Variants in CLCF1 observed in about 807,000 individuals in gnomAD.
CLCF1 encodes the protein cardiotrophin-like cytokine factor 1.
CLCF1 carries 10 observed loss-of-function variants against 21.2 expected under a neutral mutation model. The ratio of observed to expected loss-of-function variants is 0.47; its 90% CI spans 0.29 to 0.80. The LOEUF (loss-of-function observed/expected upper bound fraction) is 0.80. Among genes scored for constraint, CLCF1 ranks in the 30% least tolerant of loss-of-function variants. The pLI is 0.09. For synonymous variants in CLCF1, 115 were observed against 120.5 expected, an observed-to-expected ratio of 0.95 and a Z score of 0.30; for missense variants, 240 against 293.4, an observed-to-expected ratio of 0.82 and a Z score of 1.33.
intron 2 of CLCF1, among the ~76,000 whole-genome samples, chr11:67,366,254 G>A (rs1247961356): frequency 6.6e-6 from 1 of 152,118 alleles, no homozygotes; most frequent in South Asian, 2.1e-4. Flanking sequence ...AAATTTGGCA[G>A]GGAAAGCCAG....
rs1465770498 is a variant in CLCF1 at position 67,372,313 on chromosome 11, GGTCCTCTGGGATTGGGA to G, written c.16+1194_16+1210del. Among the ~76,000 whole-genome samples, 1 of 152,198 alleles carries G rather than the reference GGTCCTCTGGGATTGGGA, an allele frequency of 6.6e-6. No individual in the cohort carries two copies. The highest frequency in any genetic ancestry group is 1.9e-4 in the East Asian group (1 of 5,134). Reference sequence around the variant, plus strand: ...CCAGGCTGGGAGCTGGGGGAACAGGGGTCCTCTGGGATTGGGAGGGTCTGTGGGGAGGGCTCCAGAAG... The same window carrying G: ...CCAGGCTGGGAGCTGGGGGAACAGGGGGGTCTGTGGGGAGGGCTCCAGAAG... On this transcript the variant is annotated intron_variant, in intron 1 of 2. Transcript: ENST00000312438. This position sits in a 1 kb window ranked among gnomAD's most constrained non-coding sequence, Gnocchi z 5.9.
intron 1 of CLCF1, chr11:67,370,184 G>T (rs531195530): frequency 3.0e-6 from 3 of 985,308 alleles, no homozygotes; most frequent in East Asian, 2.3e-4. Context: ...AGCCATGCCC[G>T]TGTCTCAGGC....
rs1371952570 is a variant in CLCF1, at chr11:67,372,658, C to A, written c.16+866G>T. On this transcript the variant is annotated intron_variant, in intron 1 of 2. Coordinates refer to ENST00000312438, the MANE Select transcript of CLCF1 (RefSeq NM_013246.3). This position sits in a 1 kb window ranked among gnomAD's most constrained non-coding sequence, Gnocchi z 5.9. ...GGGGCGGGGGCGGGGTCCGGGGCAC[C>A]GGGCTCCGGGCTCTGCCCGGCGCTG... Among the ~76,000 whole-genome samples, 3 of 147,624 alleles carry A rather than the reference C, an allele frequency of 2.0e-5. No homozygotes were observed. The highest frequency in any genetic ancestry group is 7.5e-5 in the African/African-American group (3 of 39,960).
rs1000907971 is a variant in CLCF1, at chr11:67,372,306, G to A, written c.16+1218C>T. Among the ~76,000 whole-genome samples, 4 of 152,054 alleles carry A rather than the reference G, an allele frequency of 2.6e-5. No individual in the cohort carries two copies. The highest frequency in any genetic ancestry group is 5.9e-5 in the Non-Finnish European group (4 of 67,978). On this transcript the variant is annotated intron_variant, in intron 1 of 2. Transcript: ENST00000312438. The surrounding 1 kb of genome is among the most constrained non-coding windows in gnomAD (Gnocchi z 5.9). ...GGGAGGGCCAGGCTGGGAGCTGGGG[G>A]AACAGGGGTCCTCTGGGATTGGGAG...
At position 67,365,193 on chromosome 11, in the gene CLCF1, CT is replaced by C. The variant is rs757753759; in HGVS notation, c.620del (p.Lys207ArgfsTer22). On this transcript the variant is annotated frameshift_variant, in exon 3 of 3. Coordinates refer to ENST00000312438, the MANE Select transcript of CLCF1 (RefSeq NM_013246.3). LOFTEE classifies it high-confidence loss of function. This position sits in a 1 kb window ranked among gnomAD's most constrained non-coding sequence, Gnocchi z 5.0. ...CTGCAGCTGCTGGAGGCTGCATCTT[CT>C]TCTTGAGCCGGTTGAAGTCCTTGGC... is the stretch of plus-strand genomic sequence containing the variant. ...RSAKDFNRLKKKMQPPAAAVT... is the reference protein window; with the variant it reads ...RSAKDFNRLKXKMQPPAAAVT... The C allele has an allele frequency of 1.9e-6, 3 of 1,613,948 alleles. No individual in the cohort carries two copies. In the African/African-American group the frequency reaches 4.0e-5, roughly 22 times the overall value.
At chr11:67,369,581 T>C (rs2134889968) in intron 1 of CLCF1, 1 of 985,308 alleles carries the variant, frequency 1.0e-6, no homozygotes, top group African/African-American at 1.7e-5. Context: ...GGGTACAGAG[T>C]AGCATTAGTT....
At position 67,372,797 on chromosome 11, in the gene CLCF1, C is replaced by T. The variant is rs1027606758; in HGVS notation, c.16+727G>A. Among the ~76,000 whole-genome samples, 1 of 150,172 alleles carries T rather than the reference C, an allele frequency of 6.7e-6. No individual in the cohort carries two copies. The highest frequency in any genetic ancestry group is 1.5e-5 in the Non-Finnish European group (1 of 67,152). On this transcript the variant is annotated intron_variant, in intron 1 of 2. Coordinates refer to ENST00000312438, the MANE Select transcript of CLCF1 (RefSeq NM_013246.3). The surrounding 1 kb of genome is among the most constrained non-coding windows in gnomAD (Gnocchi z 5.9). ...GTCCGGCCCGGCTGCGCCAGCCCCC[C>T]GCCAAACAATAATCACTCCCAGGCC...
chr11:67,367,171 G>C (rs1862127679), intron 2 of CLCF1, among the ~76,000 whole-genome samples: 1 of 151,914 alleles, frequency 6.6e-6, no homozygotes, highest in Non-Finnish European at 1.5e-5. Context: ...AAACAGAGGA[G>C]ACTTCCCCGG....
rs1347737532 is a variant in CLCF1 at position 67,365,944 on chromosome 11, C to T, written c.184-314G>A. Among the ~76,000 whole-genome samples the T allele has an allele frequency of 1.3e-5, 2 of 152,050 alleles. No individual in the cohort carries two copies. The highest frequency in any genetic ancestry group is 2.9e-5 in the Non-Finnish European group (2 of 68,008). On this transcript the variant is annotated intron_variant, in intron 2 of 2. Coordinates refer to ENST00000312438, the MANE Select transcript of CLCF1 (RefSeq NM_013246.3). This position sits in a 1 kb window ranked among gnomAD's most constrained non-coding sequence, Gnocchi z 5.0. ...GGTGGGCAAACCTTGGGAGAGTGCC[C>T]GCTGTGGGGGCAGGACAGAGAGGAA...
rs1209988862 is a variant in CLCF1, at chr11:67,372,616, C to CGGCGGGGGCGGG, written c.16+896_16+907dup. ...CTCCCGCCCGGTCGCTCCTTCCCCGCGGCGGGGGCGGGGGCGGGGGCGGGG... is the reference window on the plus strand; with the variant it reads ...CTCCCGCCCGGTCGCTCCTTCCCCGCGGCGGGGGCGGGGGCGGGGGCGGGGGCGGGGGCGGGG... On this transcript the variant is annotated intron_variant, in intron 1 of 2. Coordinates refer to ENST00000312438, the MANE Select transcript of CLCF1 (RefSeq NM_013246.3). This position sits in a 1 kb window ranked among gnomAD's most constrained non-coding sequence, Gnocchi z 5.9. Among the ~76,000 whole-genome samples the CGGCGGGGGCGGG allele has an allele frequency of 5.0e-3, 734 of 145,914 alleles. 1 individual carries two copies. Among genetic ancestry groups the CGGCGGGGGCGGG allele is most frequent in the Middle Eastern group, 0.011 (3 of 274 alleles).
chr11:67,367,382 AACCCTCC>A (rs1862132983), intron 2 of CLCF1, 71 bp downstream of exon 2: 2 of 1,607,672 alleles, frequency 1.2e-6, no homozygotes, highest in Admixed American at 3.3e-5. Context: ...CATTTACCAG[AACCCTCC>A]ACGGTTAGGA....
rs951695311 is a variant in CLCF1 at position 67,370,019 on chromosome 11, G to A, written c.17-2393C>T. 3.1e-5 allele frequency: 31 copies of A among 985,296 alleles called. No individual in the cohort carries two copies. In the African/African-American group the frequency reaches 4.4e-4, roughly 14 times the overall value. The allele number at this position is 985,296 out of a possible 1,614,324, so 61.0% of individuals were successfully genotyped here. ...ACTGTGTCGTTGCAGGCTGCGGGTG[G>A]GGGGCAGGGGAGAACAGAAGGATCC... On this transcript the variant is annotated intron_variant, in intron 1 of 2. Coordinates refer to ENST00000312438, the MANE Select transcript of CLCF1 (RefSeq NM_013246.3).
rs1590911834 is a variant in CLCF1 at position 67,364,940 on chromosome 11, C to T, written c.*196G>A. On this transcript the variant is annotated 3_prime_UTR_variant, in exon 3 of 3. Coordinates refer to ENST00000312438, the MANE Select transcript of CLCF1 (RefSeq NM_013246.3). ...CAGGACAGGACAGGGCCTACTGTAC[C>T]TCCTCCCCAGCTCGGTAGACCTTTG... The T allele has an allele frequency of 2.5e-6, 2 of 803,728 alleles. No individual in the cohort carries two copies. Among genetic ancestry groups the T allele is most frequent in the Admixed American group, 2.7e-5 (1 of 36,460 alleles). 49.8% of individuals were successfully genotyped at this position (803,728 alleles called of 1,614,324 possible).
At chr11:67,368,422 G>A (rs529538337) in intron 1 of CLCF1, 5 of 985,258 alleles carry the variant, frequency 5.1e-6, no homozygotes, top group African/African-American at 1.7e-5. Context: ...TGCATTTGAC[G>A]AGTCGGGCTT....
At position 67,367,613 on chromosome 11, in the gene CLCF1, C is replaced by A. The variant is rs749650966; in HGVS notation, c.30G>T (p.Gly10=). Residue 10 remains glycine, a synonymous_variant, in exon 2 of 3, where the codon GGG becomes GGT. Coordinates refer to ENST00000312438, the MANE Select transcript of CLCF1 (RefSeq NM_013246.3). MDLRAGDSW[G]MLACLCTVLW... is the part of the protein sequence containing the mutation. The stretch of plus-strand genomic sequence containing the variant: ...GCACCGTGCACAGGCACGCTAACAT[C>A]CCCCACGAGTCCCCTGTGGGCAGGA... The A allele has an allele frequency of 3.1e-6, 5 of 1,613,432 alleles. No homozygotes were observed. The South Asian group carries it at 5.5e-5, about 18-fold the overall frequency.
intron 1 of CLCF1, chr11:67,369,847 C>T: frequency 1.0e-6 from 1 of 985,400 alleles, no homozygotes; most frequent in African/African-American, 1.7e-5. Flanking sequence ...GTGGGACATC[C>T]CTAGGGGAGA....
In CLCF1 at chr11:67,367,626, C is replaced by A; in HGVS notation, c.17G>T (p.Gly6Val). Residue 6 changes from glycine to valine, a missense_variant and splice_region_variant, in exon 2 of 3, where the codon GGG becomes GTG. Transcript: ENST00000312438. MDLRA[G>V]DSWGMLACLC... ...GCACGCTAACATCCCCCACGAGTCC[C>A]CTGTGGGCAGGATGGACGAGAAGCA... The A allele has an allele frequency of 6.2e-7, 1 of 1,613,012 alleles. No individual in the cohort carries two copies. Among genetic ancestry groups the A allele is most frequent in the East Asian group, 2.2e-5 (1 of 44,844 alleles).
At chr11:67,370,580 C>T in intron 1 of CLCF1, 1 of 980,858 alleles carries the variant, frequency 1.0e-6, no homozygotes, top group Non-Finnish European at 1.2e-6. Flanking sequence ...ATCCAGATCC[C>T]TGGGCCCTAG....
At chr11:67,373,497 T>C (rs980552478) in intron 1 of CLCF1, 27 bp downstream of exon 1, 1 of 1,226,668 alleles carries the variant, frequency 8.2e-7, no homozygotes, top group South Asian at 1.5e-5. Context: ...GGGGCGGGGG[T>C]CGGGGCCTCG....
Sources: gnomAD v4.1 joint callset for allele counts (sites outside exome capture counted in the v4.1 genomes callset) on GRCh38, gnomAD v4.1.1 for gene constraint, Gnocchi (gnomAD v3.1) non-coding constraint, MANE v1.5 for transcripts, NCBI Gene and HGNC (gene_info 2026-07-23, HGNC 2026-07-21) for gene names.